The following ZNG1E variants were observed in gnomAD, a reference collection of about 807,000 sequenced individuals.
ZNG1E encodes zinc-regulated GTPase metalloprotein activator 1E.
At chr9:65,672,321 T>C in the ZNG1E span, among the ~76,000 whole-genome samples, 3 of 152,134 alleles carry the variant, frequency 2.0e-5, no homozygotes, top group Non-Finnish European at 4.4e-5. Flanking sequence ...CAAAGCTAAA[T>C]GAGGAGGAAT....
the ZNG1E span, chr9:65,720,115 T>A: frequency 6.3e-7 from 1 of 1,593,920 alleles, no homozygotes; most frequent in South Asian, 1.1e-5. Flanking sequence ...AATCTAAATC[T>A]AAAATTCCTA....
At chr9:65,680,544 C>T in the ZNG1E span, among the ~76,000 whole-genome samples, 8 of 152,068 alleles carry the variant, frequency 5.3e-5, no homozygotes, top group Admixed American at 2.0e-4. Context: ...TCTGTAGCAA[C>T]CTCTTTAGAA....
the ZNG1E span, among the ~76,000 whole-genome samples, chr9:65,715,047 G>C: frequency 2.0e-5 from 3 of 149,284 alleles, no homozygotes; most frequent in East Asian, 1.9e-4. Flanking sequence ...AGCAATCAGC[G>C]AGACTCCGTG....
At chr9:65,693,685 G>A in the ZNG1E span, among the ~76,000 whole-genome samples, 73 of 151,012 alleles carry the variant, frequency 4.8e-4, 1 homozygote, top group East Asian at 0.013. Context: ...AGCCTCCTGA[G>A]TATCTGGGAT....
At chr9:65,664,148 A>G in the ZNG1E span, among the ~76,000 whole-genome samples, 2 of 152,064 alleles carry the variant, frequency 1.3e-5, no homozygotes, top group Admixed American at 6.6e-5. Flanking sequence ...TAAAAAATAC[A>G]TATTTACATA....
chr9:65,688,024 T>G, the ZNG1E span, among the ~76,000 whole-genome samples: 1 of 151,482 alleles, frequency 6.6e-6, no homozygotes, highest in Admixed American at 6.6e-5. Context: ...ATACTGAATT[T>G]TCTTTTGTTC....
chr9:65,662,424 G>A, the ZNG1E span, among the ~76,000 whole-genome samples: 1 of 152,268 alleles, frequency 6.6e-6, no homozygotes, highest in African/African-American at 2.4e-5. Context: ...TTTGTGAATG[G>A]TAGCGTATCG....
the ZNG1E span, chr9:65,708,517 G>C: frequency 7.8e-6 from 2 of 257,996 alleles, no homozygotes; most frequent in Admixed American, 5.3e-5. Context: ...GGGTATAAAA[G>C]AAATACAAAA....
chr9:65,673,787 A>G, the ZNG1E span, among the ~76,000 whole-genome samples: 1 of 152,302 alleles, frequency 6.6e-6, no homozygotes, highest in South Asian at 2.1e-4. Context: ...GCTGGGCGAC[A>G]GAGTGAGACC....
At chr9:65,686,806 A>G in the ZNG1E span, among the ~76,000 whole-genome samples, 330 of 152,272 alleles carry the variant, frequency 2.2e-3, no homozygotes, top group South Asian at 0.022. Flanking sequence ...AAATCTTGTG[A>G]ACCAACCTCT....
the ZNG1E span, among the ~76,000 whole-genome samples, chr9:65,673,988 C>T: frequency 2.0e-5 from 3 of 152,392 alleles, no homozygotes; most frequent in African/African-American, 4.8e-5. Flanking sequence ...TGCAATGTTA[C>T]TCCTTCCCTT....
the ZNG1E span, among the ~76,000 whole-genome samples, chr9:65,674,630 CT>C: frequency 2.0e-5 from 3 of 152,170 alleles, no homozygotes; most frequent in African/African-American, 7.2e-5. Flanking sequence ...ACAATGAAGT[CT>C]TCTTTTGTAC....
chr9:65,699,086 T>A, the ZNG1E span, among the ~76,000 whole-genome samples: 10 of 148,832 alleles, frequency 6.7e-5, no homozygotes, highest in East Asian at 2.0e-4. Flanking sequence ...TTATTTTATT[T>A]TATTTTATTT....
chr9:65,666,228 G>T, the ZNG1E span, among the ~76,000 whole-genome samples: 2 of 150,714 alleles, frequency 1.3e-5, no homozygotes, highest in Non-Finnish European at 3.0e-5. Flanking sequence ...CATGTATTGT[G>T]GGAGGGACCC....
At chr9:65,674,046 G>A in the ZNG1E span, among the ~76,000 whole-genome samples, 1 of 151,968 alleles carries the variant, frequency 6.6e-6, no homozygotes, top group Non-Finnish European at 1.5e-5. Flanking sequence ...AAACGAAAAA[G>A]CTTATGAACC....
At chr9:65,725,448 C>T in the ZNG1E span, among the ~76,000 whole-genome samples, 2 of 134,168 alleles carry the variant, frequency 1.5e-5, no homozygotes, top group Non-Finnish European at 1.6e-5. Flanking sequence ...CTGGTAACCA[C>T]CATTTTACTT....
chr9:65,722,523 T>G, the ZNG1E span, among the ~76,000 whole-genome samples: 2 of 46,226 alleles, frequency 4.3e-5, no homozygotes, highest in African/African-American at 1.5e-4. Context: ...TTTGTTTTTG[T>G]TTTTTTGGTT....
chr9:65,691,068 T>TC, the ZNG1E span: 1 of 1,588,614 alleles, frequency 6.3e-7, no homozygotes, highest in South Asian at 1.2e-5. Flanking sequence ...CTTGTTTTTT[T>TC]TTTGTTTTTG....
chr9:65,729,108 C>T, the ZNG1E span, among the ~76,000 whole-genome samples: 2 of 151,580 alleles, frequency 1.3e-5, no homozygotes, highest in Non-Finnish European at 2.9e-5. Flanking sequence ...CTGAAGGCAT[C>T]ACATTACCTG....
Sources: gnomAD v4.1 joint callset for allele counts (sites outside exome capture counted in the v4.1 genomes callset) on GRCh38, gnomAD v4.1.1 for gene constraint, MANE v1.5 for transcripts, NCBI Gene and HGNC (gene_info 2026-07-23, HGNC 2026-07-21) for gene names.